Variants in LPCAT3 observed in about 807,000 individuals in gnomAD.
LPCAT3 encodes the protein lysophospholipid acyltransferase 5.
Under a neutral mutation model 63.4 loss-of-function variants are expected in LPCAT3, and 21 were observed. The ratio of observed to expected loss-of-function variants is 0.33; its 90% confidence interval spans 0.23 to 0.48. The LOEUF is 0.48. LPCAT3 is among the 20% of genes least tolerant of loss of function. The pLI is 0.99. For synonymous variants in LPCAT3, 242 were observed against 227.5 expected (o/e 1.06, Z -0.58); for missense variants, 451 against 590.6 (o/e 0.76, Z 2.45).
At chr12:6,981,458 A>G (rs1470467104) in intron 5 of LPCAT3, 137 bp downstream of exon 5, 4 of 895,082 alleles carry the variant, frequency 4.5e-6, no homozygotes, top group Non-Finnish European at 7.4e-6. Flanking sequence ...GCTCAGTGCT[A>G]TCTGAAAGGG....
intron 5 of LPCAT3, 200 bp from the exon 6 acceptor site, chr12:6,981,382 GCTGGCATTGATC>G (rs1946469696): frequency 3.0e-6 from 2 of 674,184 alleles, no homozygotes; most frequent in Middle Eastern, 3.6e-4. Context: ...CAAATGCCTT[GCTGGCATTGATC>G]TCTGGACTTT....
chr12:7,011,209 C>T (rs1443852101), intron 1 of LPCAT3, among the ~76,000 whole-genome samples: 1 of 152,036 alleles, frequency 6.6e-6, no homozygotes, highest in Non-Finnish European at 1.5e-5. Context: ...TAATTTTGTT[C>T]ACTTTTTGTA....
chr12:7,009,933 T>C (rs1245384426), intron 1 of LPCAT3, among the ~76,000 whole-genome samples: 2 of 152,236 alleles, frequency 1.3e-5, no homozygotes, highest in Admixed American at 1.3e-4. Flanking sequence ...ATTTATCAGA[T>C]AAATTGCTTA....
chr12:6,977,674 G>A lies in LPCAT3; in HGVS notation c.1112C>T (p.Ala371Val), dbSNP rs782703712. 1 of 1,614,210 alleles carries A rather than the reference G, an allele frequency of 6.2e-7. No individual in the cohort carries two copies. ...TCCTGAGTGCAGGCCGTGCCAGAGG[G>A]CCAGGAATAGCAACGAGAGACCCTG... The part of the protein sequence containing the change: ...LSQGLSLLFL[A>V]LWHGLHSGYL... Residue 371 changes from alanine (A) to valine (V), a missense_variant, in exon 10 of 13, where the codon GCC becomes GTC. Ala to Val is a moderately conservative substitution (Grantham distance 64, BLOSUM62 0). This residue lies in a region of LPCAT3 where 304 missense variants were observed against 390.8 expected (regional missense o/e 0.78). Coordinates refer to ENST00000261407, the MANE Select transcript of LPCAT3 (RefSeq NM_005768.6). The surrounding 1 kb of genome is among the most constrained non-coding windows in gnomAD (Gnocchi z 4.5).
intron 1 of LPCAT3, among the ~76,000 whole-genome samples, chr12:6,990,941 A>G (rs957301510): frequency 2.6e-5 from 4 of 151,454 alleles, no homozygotes; most frequent in Admixed American, 6.6e-5. Context: ...AAGGAAGAAA[A>G]TAAAACTAAA....
chr12:6,977,824 T>A lies in LPCAT3; in HGVS notation c.1041-79A>T. Reference sequence around the variant, plus strand: ...GCCACCTGCCTCTGGGTCCTCACCCTGAGGATTGGATTGGAGTGCTGGTGG... The same window carrying A: ...GCCACCTGCCTCTGGGTCCTCACCCAGAGGATTGGATTGGAGTGCTGGTGG... On this transcript the variant is annotated intron_variant, in intron 9 of 12. Transcript: ENST00000261407. The surrounding 1 kb of genome is among the most constrained non-coding windows in gnomAD (Gnocchi z 4.5). 1.3e-6 allele frequency: 2 copies of A among 1,542,658 alleles called. No individual in the cohort carries two copies. The highest frequency in any genetic ancestry group is 1.8e-6 in the Non-Finnish European group (2 of 1,122,578).
intron 6 of LPCAT3, chr12:6,980,660 TCTAC>T (rs1176760505): frequency 1.8e-5 from 3 of 163,846 alleles, no homozygotes; most frequent in African/African-American, 4.8e-5. Context: ...CCAGCCTCTA[TCTAC>T]CTACCTACCT....
chr12:7,007,388 T>C (rs1555156923), intron 1 of LPCAT3, among the ~76,000 whole-genome samples: 1 of 151,974 alleles, frequency 6.6e-6, no homozygotes. Context: ...ACTATCTCAC[T>C]ATGTATTATT....
At chr12:7,011,103 C>T (rs1284904931) in intron 1 of LPCAT3, among the ~76,000 whole-genome samples, 1 of 152,154 alleles carries the variant, frequency 6.6e-6, no homozygotes. Flanking sequence ...GCAGCCTCAA[C>T]GTCCTGAGTT....
intron 1 of LPCAT3, among the ~76,000 whole-genome samples, chr12:7,006,198 C>T (rs1472244048): frequency 6.6e-6 from 1 of 152,140 alleles, no homozygotes; most frequent in African/African-American, 2.4e-5. Context: ...TAAGACTGAA[C>T]CTAAACTGAC....
rs781912249 is a variant in LPCAT3, at chr12:7,005,738, G to A, written c.151+12536C>T. Among the ~76,000 whole-genome samples, 5 of 152,282 alleles carry A rather than the reference G, an allele frequency of 3.3e-5. No individual in the cohort carries two copies. The South Asian group carries it at 1.0e-3, about 32-fold the overall frequency. On this transcript the variant is annotated intron_variant, in intron 1 of 12. Coordinates refer to ENST00000261407, the MANE Select transcript of LPCAT3 (RefSeq NM_005768.6). ...ATTGGCCATGTATATGTCTCTTTTA[G>A]AGAACTGTCTATTCATATCCATTTT... is the stretch of plus-strand genomic sequence containing the variant.
intron 1 of LPCAT3, among the ~76,000 whole-genome samples, chr12:7,010,725 T>C (rs1231549095): frequency 2.0e-5 from 3 of 152,248 alleles, no homozygotes; most frequent in Non-Finnish European, 4.4e-5. Context: ...CCCTAACTTA[T>C]ACATGCTTCT....
At chr12:7,016,569 G>T (rs1453145609) in intron 1 of LPCAT3, among the ~76,000 whole-genome samples, 10 of 152,094 alleles carry the variant, frequency 6.6e-5, no homozygotes, top group African/African-American at 2.4e-4. Context: ...GTGCCCCTGC[G>T]CCTGGCCTAA....
At chr12:6,981,748 A>C in intron 4 of LPCAT3, 63 bp downstream of exon 4, 5 of 1,465,616 alleles carry the variant, frequency 3.4e-6, no homozygotes, top group Non-Finnish European at 3.8e-6. Context: ...GTGCCGAGGA[A>C]GTTTTTAGTG....
chr12:6,977,664 G>A lies in LPCAT3; in HGVS notation c.1122C>T (p.His374=), dbSNP rs782081649. Residue 374 remains histidine (H), a synonymous_variant, in exon 10 of 13, where the codon CAC becomes CAT. Transcript: ENST00000261407. The surrounding 1 kb of genome is among the most constrained non-coding windows in gnomAD (Gnocchi z 4.5). Reference sequence around the variant, plus strand: ...AGACCAGGTATCCTGAGTGCAGGCCGTGCCAGAGGGCCAGGAATAGCAACG... The same window carrying A: ...AGACCAGGTATCCTGAGTGCAGGCCATGCCAGAGGGCCAGGAATAGCAACG... ...GLSLLFLALW[H]GLHSGYLVCF... is the part of the protein sequence containing the mutation. The A allele has an allele frequency of 2.5e-5, 40 of 1,614,090 alleles. No individual in the cohort carries two copies. Among genetic ancestry groups the A allele is most frequent in the South Asian group, 2.2e-4 (20 of 91,086 alleles).
In LPCAT3 at chr12:6,977,969, A is replaced by G. The variant is rs782031646; in HGVS notation, c.1041-224T>C. 3.4e-6 allele frequency: 2 copies of G among 581,534 alleles called. No homozygotes were observed. The highest frequency in any genetic ancestry group is 3.1e-5 in the Admixed American group (1 of 32,778). 36.0% of individuals were successfully genotyped at this position (581,534 alleles called of 1,614,324 possible). A position where few individuals can be genotyped will look rare whatever the true frequency, so the allele number is the denominator to read the frequency against. On this transcript the variant is annotated intron_variant, in intron 9 of 12. Transcript: ENST00000261407. The surrounding 1 kb of genome is among the most constrained non-coding windows in gnomAD (Gnocchi z 4.5). ...GTGCGCACGAGCCACTTGGTTCAGC[A>G]GCAGTGACTGAGGCTGATGCTGAGA...
At chr12:7,003,784 C>T (rs950874995) in intron 1 of LPCAT3, among the ~76,000 whole-genome samples, 32 of 151,648 alleles carry the variant, frequency 2.1e-4, no homozygotes, top group Middle Eastern at 3.4e-3. Flanking sequence ...TAGCCGGGCG[C>T]GGTGGCGGGC....
chr12:7,002,994 G>A (rs1160935161), intron 1 of LPCAT3, among the ~76,000 whole-genome samples: 1 of 152,026 alleles, frequency 6.6e-6, no homozygotes, highest in Non-Finnish European at 1.5e-5. Flanking sequence ...GGGCGAAAGA[G>A]TGAAACTCCA....
rs1440412491 is a variant in LPCAT3, at chr12:6,978,394, G to A, written c.987C>T (p.Arg329=). 1.2e-6 allele frequency: 2 copies of A among 1,613,972 alleles called. No individual in the cohort carries two copies. The highest frequency in any genetic ancestry group is 1.1e-5 in the South Asian group (1 of 91,074). ...TGAATGAGGCAATGGTGCCAGTGAA[G>A]CGGGGGTTTGTTTCAAAGAGCCACA... ...MKVWLFETNP[R]FTGTIASFNI... Residue 329 remains arginine (R), a synonymous_variant, in exon 9 of 13, where the codon CGC becomes CGT. Coordinates refer to ENST00000261407, the MANE Select transcript of LPCAT3 (RefSeq NM_005768.6).
Sources: gnomAD v4.1 joint callset for allele counts (sites outside exome capture counted in the v4.1 genomes callset) on GRCh38, gnomAD v4.1.1 for gene constraint, gnomAD v4.1.1 regional missense constraint, Gnocchi (gnomAD v3.1) non-coding constraint, MANE v1.5 for transcripts, NCBI Gene and HGNC (gene_info 2026-07-23, HGNC 2026-07-21) for gene names.